RABGAP1L: variants seen among roughly 807,000 people sequenced by gnomAD.
RABGAP1L encodes the protein rab GTPase-activating protein 1-like.
A neutral mutation model predicts 137.7 loss-of-function variants in RABGAP1L; 63 were observed. The ratio of observed to expected loss-of-function variants is 0.46; its 90% CI spans 0.37 to 0.56. The LOEUF is 0.56. RABGAP1L is among the 20% of genes least tolerant of loss of function. The probability of loss-of-function intolerance (pLI) is 0.00; values close to 1 mark genes in which losing one functional copy is unlikely to be tolerated. For missense variants in RABGAP1L, 1,095 were observed against 1,244.0 expected (o/e 0.88, Z 1.80); for synonymous variants, 431 against 433.7 (o/e 0.99, Z 0.08).
chr1:174,472,496 A>G (rs920195690), intron 13 of RABGAP1L, among the ~76,000 whole-genome samples: 2 of 152,210 alleles, frequency 1.3e-5, no homozygotes, highest in African/African-American at 2.4e-5. Flanking sequence ...TCATTGCTAT[A>G]TTTATTACGG....
chr1:174,441,835 C>CTTT (rs79368665), intron 13 of RABGAP1L, among the ~76,000 whole-genome samples: 1 of 138,932 alleles, frequency 7.2e-6, no homozygotes, highest in African/African-American at 2.6e-5. Context: ...GCTGCTGAAG[C>CTTT]TTTTTTTTTT....
At chr1:174,896,100 A>G (rs976484898) in intron 19 of RABGAP1L, among the ~76,000 whole-genome samples, 5 of 152,030 alleles carry the variant, frequency 3.3e-5, no homozygotes, top group Non-Finnish European at 7.4e-5. Context: ...CCTCTCTAGC[A>G]CCTGTTGTTT....
chr1:174,491,955 T>G (rs1376792470), intron 13 of RABGAP1L, among the ~76,000 whole-genome samples: 1 of 152,204 alleles, frequency 6.6e-6, no homozygotes, highest in African/African-American at 2.4e-5. Context: ...TGCTGGGGGA[T>G]GAGGGAATGA....
intron 1 of RABGAP1L, among the ~76,000 whole-genome samples, chr1:174,161,955 A>G (rs925479636): frequency 6.6e-6 from 1 of 150,884 alleles, no homozygotes; most frequent in African/African-American, 2.4e-5. Flanking sequence ...CTAGTCTCCA[A>G]CTCCTGGCCT....
At chr1:174,717,472 A>C (rs1226140933) in intron 17 of RABGAP1L, among the ~76,000 whole-genome samples, 2 of 152,072 alleles carry the variant, frequency 1.3e-5, no homozygotes, top group Admixed American at 6.6e-5. Context: ...TACTGATTAA[A>C]CCTCTCGTTT....
At chr1:174,601,897 A>T (rs906962560) in intron 13 of RABGAP1L, among the ~76,000 whole-genome samples, 1 of 152,176 alleles carries the variant, frequency 6.6e-6, no homozygotes, top group Admixed American at 6.5e-5. Flanking sequence ...TTGCTGAAAC[A>T]TAATAAGAGT....
intron 13 of RABGAP1L, among the ~76,000 whole-genome samples, chr1:174,427,738 C>T (rs1475995059): frequency 6.6e-6 from 1 of 152,124 alleles, no homozygotes; most frequent in Admixed American, 6.5e-5. Context: ...CTAGATAAGA[C>T]ACCTACTATA....
chr1:174,534,569 G>A (rs1321259008), intron 13 of RABGAP1L, among the ~76,000 whole-genome samples: 1 of 151,872 alleles, frequency 6.6e-6, no homozygotes, highest in Non-Finnish European at 1.5e-5. Flanking sequence ...TGGAGGTTAG[G>A]AGTTCGAGAC....
intron 3 of RABGAP1L, among the ~76,000 whole-genome samples, chr1:174,228,369 T>C (rs1670362191): frequency 6.6e-6 from 1 of 152,102 alleles, no homozygotes; most frequent in South Asian, 2.1e-4. Flanking sequence ...TCATCTTATA[T>C]TTTTTCTGTT....
intron 13 of RABGAP1L, among the ~76,000 whole-genome samples, chr1:174,527,204 GT>G (rs57011947): frequency 0.29 from 34,822 of 119,236 alleles, 3,991 homozygotes; most frequent in African/African-American, 0.47. Flanking sequence ...TTTTTATTTT[GT>G]TTTTTTTTTT....
At chr1:174,926,284 AT>A (rs1662828700) in intron 19 of RABGAP1L, among the ~76,000 whole-genome samples, 1 of 152,052 alleles carries the variant, frequency 6.6e-6, no homozygotes, top group African/African-American at 2.4e-5. Flanking sequence ...TTCAGTAAGA[AT>A]TTTTTGATCA....
chr1:174,275,868 T>C lies in RABGAP1L; in HGVS notation c.1089T>C (p.Tyr363=), dbSNP rs1215730033. The change falls in exon 9 of 26, where the codon TAT becomes TAC. Residue 363 remains tyrosine, a synonymous_variant. Transcript: ENST00000681986. Reference sequence around the variant, plus strand: ...GAAAGAGCTATGATGGGAGAGCTTATGTCATCACTGGCATGTGGAACCCCA... The same window carrying C: ...GAAAGAGCTATGATGGGAGAGCTTACGTCATCACTGGCATGTGGAACCCCA... The part of the protein sequence containing the change: ...SMGKSYDGRA[Y]VITGMWNPNA... 2.5e-6 allele frequency: 4 copies of C among 1,613,086 alleles called. No individual in the cohort carries two copies. Among genetic ancestry groups the C allele is most frequent in the Admixed American group, 1.7e-5 (1 of 59,982 alleles).
In RABGAP1L at chr1:174,448,526, C is replaced by A; in HGVS notation, c.1710+54381C>A. On this transcript the variant is annotated intron_variant, in intron 13 of 25. Coordinates refer to ENST00000681986, the MANE Select transcript of RABGAP1L (RefSeq NM_001366446.1). The surrounding 1 kb of genome is among the most constrained non-coding windows in gnomAD (Gnocchi z 4.2). ...ATGTCTTGCTTGCATCAGTGTGGAT[C>A]GTTATCTTGCAATAACCAAGCCTCT... The A allele has an allele frequency of 1.2e-6, 2 of 1,611,266 alleles. No individual in the cohort carries two copies. The highest frequency in any genetic ancestry group is 1.7e-6 in the Non-Finnish European group (2 of 1,177,486).
chr1:174,780,364 C>A (rs972352122), intron 18 of RABGAP1L, among the ~76,000 whole-genome samples: 8 of 152,206 alleles, frequency 5.3e-5, no homozygotes, highest in Admixed American at 1.3e-4. Context: ...ATTAGCCACA[C>A]ATACCTTACG....
intron 11 of RABGAP1L, among the ~76,000 whole-genome samples, chr1:174,313,529 C>T (rs896112652): frequency 7.9e-5 from 12 of 152,090 alleles, no homozygotes; most frequent in Non-Finnish European, 1.8e-4. Context: ...AGTGCTCTAG[C>T]TAGGACTTCT....
chr1:174,800,081 G>A (rs1235558661), intron 18 of RABGAP1L: 3 of 1,283,784 alleles, frequency 2.3e-6, no homozygotes, highest in Non-Finnish European at 3.0e-6. Context: ...TCTCGCATTC[G>A]ATTGCTTTTG....
At chr1:174,862,925 T>A (rs905006335) in intron 19 of RABGAP1L, among the ~76,000 whole-genome samples, 77 of 152,130 alleles carry the variant, frequency 5.1e-4, no homozygotes, top group African/African-American at 1.6e-3. Flanking sequence ...AATGGAGTCT[T>A]GCTGTGTCGC....
chr1:174,201,092 T>G (rs537402836), intron 1 of RABGAP1L, among the ~76,000 whole-genome samples: 59 of 152,232 alleles, frequency 3.9e-4, no homozygotes, highest in African/African-American at 1.4e-3. Context: ...TATGGTAGTT[T>G]ATAGAAACTA....
At chr1:174,512,692 G>A (rs1043796742) in intron 13 of RABGAP1L, among the ~76,000 whole-genome samples, 2 of 152,114 alleles carry the variant, frequency 1.3e-5, no homozygotes, top group African/African-American at 4.8e-5. Context: ...TCAGAATAGT[G>A]TAGCCAGGTA....
Sources: allele counts gnomAD v4.1 joint callset (sites outside exome capture counted in the v4.1 genomes callset), GRCh38; gene constraint gnomAD v4.1.1; non-coding constraint Gnocchi (gnomAD v3.1); transcripts MANE v1.5; gene names NCBI Gene and HGNC (gene_info 2026-07-23, HGNC 2026-07-21).